WDFY4: variants seen among roughly 807,000 people sequenced by gnomAD.
WDFY4 encodes the protein WD repeat- and FYVE domain-containing protein 4.
WDFY4 carries 169 observed loss-of-function variants against 351.9 expected under a neutral mutation model. That is an observed-to-expected ratio of 0.48 (90% CI 0.42 to 0.55). The LOEUF is 0.55. Among genes scored for constraint, WDFY4 ranks in the 20% least tolerant of loss-of-function variants. WDFY4 has a pLI of 0.00. For synonymous variants in WDFY4, 1,622 were observed against 1,574.6 expected, an observed-to-expected ratio of 1.03 and a Z score of -0.71; for missense variants, 3,803 against 3,935.6, an observed-to-expected ratio of 0.97 and a Z score of 0.90.
In WDFY4 at chr10:48,776,735, T is replaced by G. The variant is rs773339867; in HGVS notation, c.2864-15T>G. 5.3e-6 allele frequency: 8 copies of G among 1,511,380 alleles called. No individual in the cohort carries two copies. Among genetic ancestry groups the G allele is most frequent in the South Asian group, 1.3e-5 (1 of 79,824 alleles). 93.6% of individuals were successfully genotyped at this position (1,511,380 alleles called of 1,614,324 possible). The stretch of plus-strand genomic sequence containing the variant: ...TTGAGCAGAGACACATCTCTTCTCT[T>G]GCTTGCTGCCCTAGGGTCACAGACT... On this transcript the variant is annotated splice_polypyrimidine_tract_variant and intron_variant, in intron 15 of 61. Coordinates refer to ENST00000325239, the MANE Select transcript of WDFY4 (RefSeq NM_001394531.1).
intron 47 of WDFY4, among the ~76,000 whole-genome samples, chr10:48,918,267 C>A (rs1838733159): frequency 6.6e-6 from 1 of 151,936 alleles, no homozygotes; most frequent in African/African-American, 2.4e-5. Context: ...CCTACATGCT[C>A]CAATTAAAAG....
intron 44 of WDFY4, among the ~76,000 whole-genome samples, chr10:48,896,906 G>A (rs1248025089): frequency 6.6e-6 from 1 of 152,174 alleles, no homozygotes; most frequent in African/African-American, 2.4e-5. Flanking sequence ...CCTGGGCAGA[G>A]GGACTAAGGT....
intron 12 of WDFY4, among the ~76,000 whole-genome samples, chr10:48,746,283 T>C (rs2065012808): frequency 6.6e-6 from 1 of 152,262 alleles, no homozygotes; most frequent in Non-Finnish European, 1.5e-5. Context: ...ATTTTTATAT[T>C]CTTATGGAGT....
intron 44 of WDFY4, 66 bp from the exon 45 acceptor site, chr10:48,897,388 A>G (rs1837136345): frequency 1.3e-6 from 2 of 1,523,040 alleles, no homozygotes; most frequent in African/African-American, 1.4e-5. Flanking sequence ...AGGAAGAAGA[A>G]GAAGCCTGCA....
At chr10:48,689,412 A>G (rs931909601) in intron 1 of WDFY4, among the ~76,000 whole-genome samples, 1 of 152,266 alleles carries the variant, frequency 6.6e-6, no homozygotes, top group African/African-American at 2.4e-5. Context: ...TGTGAAATAC[A>G]CACCAGATTT....
intron 2 of WDFY4, among the ~76,000 whole-genome samples, chr10:48,718,665 C>A (rs761263691): frequency 6.6e-6 from 1 of 152,242 alleles, no homozygotes; most frequent in Non-Finnish European, 1.5e-5. Flanking sequence ...CTAGGGCAGT[C>A]CCTCCACTCT....
At chr10:48,969,025 T>C (rs1306286208) in intron 55 of WDFY4, 39 bp from the exon 56 acceptor site, 5 of 1,542,242 alleles carry the variant, frequency 3.2e-6, no homozygotes, top group African/African-American at 2.7e-5. Context: ...TGGGTGCTGT[T>C]CTTCCATGCA....
At chr10:48,814,822 G>A (rs2067567617) in intron 31 of WDFY4, among the ~76,000 whole-genome samples, 3 of 152,214 alleles carry the variant, frequency 2.0e-5, no homozygotes, top group Admixed American at 6.5e-5. Context: ...AATGAGCACT[G>A]TGAATTTGGT....
At chr10:48,952,072 G>A (rs188169946) in intron 51 of WDFY4, among the ~76,000 whole-genome samples, 4 of 152,182 alleles carry the variant, frequency 2.6e-5, no homozygotes, top group East Asian at 3.9e-4. Context: ...ATGGAGAACC[G>A]TGGGGCAGCA....
chr10:48,695,155 T>G (rs1320966219), intron 1 of WDFY4, among the ~76,000 whole-genome samples: 1 of 151,940 alleles, frequency 6.6e-6, no homozygotes, highest in African/African-American at 2.4e-5. Flanking sequence ...GGCCAAGGAG[T>G]GTCCACGTTG....
chr10:48,838,634 T>G (rs1215800624), intron 39 of WDFY4, among the ~76,000 whole-genome samples: 2 of 152,230 alleles, frequency 1.3e-5, no homozygotes, highest in Non-Finnish European at 2.9e-5. Flanking sequence ...TGAATCCCCA[T>G]GTATCTATCC....
chr10:48,823,820 C>T, intron 35 of WDFY4: 2 of 988,256 alleles, frequency 2.0e-6, no homozygotes, highest in Non-Finnish European at 2.4e-6. Context: ...TGCTTGCTGT[C>T]TGTGATGCCT....
chr10:48,815,080 G>C (rs1171965556), intron 31 of WDFY4, among the ~76,000 whole-genome samples: 4 of 152,078 alleles, frequency 2.6e-5, no homozygotes, highest in African/African-American at 7.2e-5. Context: ...GTGTATTCTG[G>C]GATGTAGTAT....
At chr10:48,775,577 C>T in intron 14 of WDFY4, 135 bp from the exon 15 acceptor site, 1 of 800,686 alleles carries the variant, frequency 1.2e-6, no homozygotes, top group Non-Finnish European at 2.0e-6. Flanking sequence ...CTCCACATTG[C>T]TTTCAGAAAG....
intron 13 of WDFY4, among the ~76,000 whole-genome samples, chr10:48,774,139 T>C (rs978807063): frequency 2.0e-5 from 3 of 152,368 alleles, no homozygotes; most frequent in Admixed American, 6.5e-5. Flanking sequence ...ATTGTGTGGG[T>C]CAAACACAGC....
chr10:48,844,304 A>G (rs2068705829), intron 39 of WDFY4, among the ~76,000 whole-genome samples: 1 of 152,144 alleles, frequency 6.6e-6, no homozygotes, highest in Non-Finnish European at 1.5e-5. Flanking sequence ...GAAAGCACTG[A>G]GTCCAGGCCG....
chr10:48,959,905 G>A, intron 53 of WDFY4, 92 bp downstream of exon 53: 3 of 1,213,202 alleles, frequency 2.5e-6, no homozygotes. Context: ...GAGGGCCAGT[G>A]ACCAGCACTG....
intron 37 of WDFY4, among the ~76,000 whole-genome samples, chr10:48,830,024 G>A (rs1270787948): frequency 6.6e-6 from 1 of 152,184 alleles, no homozygotes; most frequent in Non-Finnish European, 1.5e-5. Flanking sequence ...TTCCCTTAGG[G>A]TGAGAGAAAC....
In WDFY4 at chr10:48,743,197, G is replaced by A; in HGVS notation, c.2108G>A (p.Arg703Lys). The A allele has an allele frequency of 6.4e-7, 1 of 1,551,702 alleles. No homozygotes were observed. Among genetic ancestry groups the A allele is most frequent in the East Asian group, 2.4e-5 (1 of 40,918 alleles). The change falls in exon 12 of 62, where the codon AGG becomes AAG. Residue 703 changes from arginine (R) to lysine (K), a missense_variant. By Grantham distance (26) the Arg-to-Lys change is conservative. Coordinates refer to ENST00000325239, the MANE Select transcript of WDFY4 (RefSeq NM_001394531.1). ...HWDPVNGYFFRRNGLFEKLAE... is the reference protein window; with the variant it reads ...HWDPVNGYFFKRNGLFEKLAE... ...GACCCTGTCAATGGCTACTTCTTCA[G>A]GAGGAATGGGCTCTTTGAGAAGCTG...
Sources: allele counts gnomAD v4.1 joint callset (sites outside exome capture counted in the v4.1 genomes callset), GRCh38; gene constraint gnomAD v4.1.1; transcripts MANE v1.5; gene names NCBI Gene and HGNC (gene_info 2026-07-23, HGNC 2026-07-21).